The following GNRHR variants were observed in gnomAD, a reference collection of about 807,000 sequenced individuals.
GNRHR encodes the protein gonadotropin-releasing hormone receptor.
In GNRHR, 14 loss-of-function variants were observed where a neutral mutation model predicts 28.1. The observed-to-expected ratio is 0.50, with a 90% CI of 0.33 to 0.78. The LOEUF is 0.78. Among genes scored for constraint, GNRHR ranks in the 30% least tolerant of loss-of-function variants. GNRHR has a pLI of 0.02. For missense variants in GNRHR, 366 were observed against 382.1 expected (o/e 0.96, Z 0.35); for synonymous variants, 141 against 140.5 (o/e 1.00, Z -0.02).
At chr4:67,748,806 A>G (rs1228291746) in intron 1 of GNRHR, among the ~76,000 whole-genome samples, 1 of 151,774 alleles carries the variant, frequency 6.6e-6, no homozygotes, top group East Asian at 1.9e-4. Flanking sequence ...GGCCATATAT[A>G]GATAACTAAA....
intron 2 of GNRHR, 93 bp from the exon 3 acceptor site, chr4:67,740,817 T>A: frequency 1.2e-6 from 1 of 838,120 alleles, no homozygotes; most frequent in Non-Finnish European, 2.1e-6. Flanking sequence ...TAATTCAACT[T>A]AATCAATGGG....
At chr4:67,741,702 G>A (rs182935546) in intron 2 of GNRHR, among the ~76,000 whole-genome samples, 20 of 152,162 alleles carry the variant, frequency 1.3e-4, no homozygotes, top group Admixed American at 1.3e-3. Flanking sequence ...CTGCATCCCT[G>A]CCAACATCTA....
At chr4:67,747,859 T>G (rs570893268) in intron 1 of GNRHR, among the ~76,000 whole-genome samples, 1 of 152,228 alleles carries the variant, frequency 6.6e-6, no homozygotes, top group South Asian at 2.1e-4. Context: ...TAATACAAGA[T>G]AGACCAATAA....
intron 2 of GNRHR, among the ~76,000 whole-genome samples, chr4:67,741,490 A>G (rs542364157): frequency 1.3e-5 from 2 of 152,242 alleles, no homozygotes; most frequent in African/African-American, 4.8e-5. Context: ...TGCAATTGCA[A>G]ACTGTGCTGC....
At chr4:67,740,754 A>C (rs1000951841) in intron 2 of GNRHR, 30 bp from the exon 3 acceptor site, 3 of 1,597,078 alleles carry the variant, frequency 1.9e-6, no homozygotes, top group African/African-American at 1.3e-5. Context: ...GCAGGTGTTT[A>C]AAGATCAGTT....
At chr4:67,741,471 C>A (rs2319659) in intron 2 of GNRHR, among the ~76,000 whole-genome samples, 3,274 of 152,164 alleles carry the variant, frequency 0.022, 76 homozygotes, top group East Asian at 0.11. Flanking sequence ...TGGGCTGGTT[C>A]TGTGTTTTTG....
intron 1 of GNRHR, among the ~76,000 whole-genome samples, chr4:67,746,966 G>C (rs1029912318): frequency 2.0e-5 from 3 of 151,992 alleles, no homozygotes; most frequent in African/African-American, 7.2e-5. Flanking sequence ...TTTATCTTAT[G>C]ATTCAGACTT....
chr4:67,749,691 CTTCG>C (rs1347226265), intron 1 of GNRHR, among the ~76,000 whole-genome samples: 60 of 150,132 alleles, frequency 4.0e-4, no homozygotes, highest in African/African-American at 1.3e-3. Flanking sequence ...GCCTCCTTTC[CTTCG>C]TTCCTTCCTT....
At chr4:67,749,695 G>A (rs6552112) in intron 1 of GNRHR, among the ~76,000 whole-genome samples, 86 of 147,356 alleles carry the variant, frequency 5.8e-4, no homozygotes, top group African/African-American at 2.0e-3. Flanking sequence ...CCTTTCCTTC[G>A]TTCCTTCCTT....
intron 1 of GNRHR, among the ~76,000 whole-genome samples, chr4:67,745,227 A>G (rs1731733497): frequency 6.6e-6 from 1 of 152,104 alleles, no homozygotes; most frequent in Non-Finnish European, 1.5e-5. Context: ...GACATTTTAA[A>G]AAATGGTCAA....
At position 67,754,322 on chromosome 4, in the gene GNRHR, G is replaced by A. The variant is rs775721426; in HGVS notation, c.14C>T (p.Ala5Val). 6.2e-7 allele frequency: 1 copy of A among 1,610,176 alleles called. No individual in the cohort carries two copies. Among genetic ancestry groups the A allele is most frequent in the South Asian group, 1.1e-5 (1 of 91,076 alleles). MANS[A>V]SPEQNQNHCS... ...GTGATTTTGATTCTGTTCAGGAGAG[G>A]CACTGTTTGCCATATTTTCCCAGGA... Residue 5 changes from alanine (A) to valine (V), a missense_variant, in exon 1 of 3, where the codon GCC (alanine) becomes GTC (valine). Physicochemically the swap from Ala to Val is moderately conservative, Grantham distance 64 (BLOSUM62 0). Coordinates refer to ENST00000226413, the MANE Select transcript of GNRHR (RefSeq NM_000406.3).
At position 67,738,912 on chromosome 4, in the gene GNRHR, A is replaced by G. The variant is rs1410482000; in HGVS notation, c.*1568T>C. Among the ~76,000 whole-genome samples, 1 of 151,980 alleles carries G rather than the reference A, an allele frequency of 6.6e-6. No homozygotes were observed. Among genetic ancestry groups the G allele is most frequent in the East Asian group, 1.9e-4 (1 of 5,196 alleles). On this transcript the variant is annotated 3_prime_UTR_variant, in exon 3 of 3. Coordinates refer to ENST00000226413, the MANE Select transcript of GNRHR (RefSeq NM_000406.3). ...GAAAGTAAGGTAGGATATGAAAAAA[A>G]CAACAACACAACACTATAAAACTGA...
At chr4:67,750,833 A>G (rs1731852727) in intron 1 of GNRHR, among the ~76,000 whole-genome samples, 1 of 152,176 alleles carries the variant, frequency 6.6e-6, no homozygotes, top group Admixed American at 6.5e-5. Flanking sequence ...TGTCAATTAC[A>G]TTTTTTATAA....
intron 2 of GNRHR, among the ~76,000 whole-genome samples, chr4:67,744,067 A>G (rs1034414620): frequency 5.3e-5 from 8 of 151,746 alleles, no homozygotes; most frequent in Admixed American, 2.0e-4. Context: ...GTACAAACAC[A>G]TGTGTGAAGT....
At position 67,739,079 on chromosome 4, in the gene GNRHR, G is replaced by T. The variant is rs1731606988; in HGVS notation, c.*1401C>A. Reference sequence around the variant, plus strand: ...GTACATAGCTCATATAAATATAATGGTATCTTACCTATTTAAAAAATGTTA... The same window carrying T: ...GTACATAGCTCATATAAATATAATGTTATCTTACCTATTTAAAAAATGTTA... On this transcript the variant is annotated 3_prime_UTR_variant, in exon 3 of 3. Coordinates refer to ENST00000226413, the MANE Select transcript of GNRHR (RefSeq NM_000406.3). 6.6e-6 allele frequency among the ~76,000 whole-genome samples: 1 copy of T among 151,744 alleles called. No homozygotes were observed.
At chr4:67,746,129 G>T (rs970439640) in intron 1 of GNRHR, among the ~76,000 whole-genome samples, 1 of 152,002 alleles carries the variant, frequency 6.6e-6, no homozygotes, top group African/African-American at 2.4e-5. Flanking sequence ...CATTACTGTG[G>T]CTGTGTGTGA....
intron 2 of GNRHR, among the ~76,000 whole-genome samples, chr4:67,744,098 AC>A (rs1476892805): frequency 6.6e-6 from 1 of 152,246 alleles, no homozygotes; most frequent in African/African-American, 2.4e-5. Flanking sequence ...ATAATCATTT[AC>A]ATAGTCAATA....
At chr4:67,745,209 A>T (rs1469359555) in intron 1 of GNRHR, among the ~76,000 whole-genome samples, 1 of 152,056 alleles carries the variant, frequency 6.6e-6, no homozygotes, top group East Asian at 1.9e-4. Flanking sequence ...CAGAAGCCCT[A>T]TTAAAATGAC....
In GNRHR at chr4:67,754,323, C is replaced by T. The variant is rs763118202; in HGVS notation, c.13G>A (p.Ala5Thr). ...TGATTTTGATTCTGTTCAGGAGAGG[C>T]ACTGTTTGCCATATTTTCCCAGGAC... MANS[A>T]SPEQNQNHCS... The change falls in exon 1 of 3, where the codon GCC becomes ACC. Residue 5 changes from alanine (A) to threonine (T), a missense_variant. Physicochemically the swap from Ala to Thr is moderately conservative, Grantham distance 58. Coordinates refer to ENST00000226413, the MANE Select transcript of GNRHR (RefSeq NM_000406.3). 1 of 1,610,238 alleles carries T rather than the reference C, an allele frequency of 6.2e-7. No individual in the cohort carries two copies. The highest frequency in any genetic ancestry group is 1.1e-5 in the South Asian group (1 of 91,072).
Sources: gnomAD v4.1 joint callset for allele counts (sites outside exome capture counted in the v4.1 genomes callset) on GRCh38, gnomAD v4.1.1 for gene constraint, MANE v1.5 for transcripts, NCBI Gene and HGNC (gene_info 2026-07-23, HGNC 2026-07-21) for gene names.